RASEF: variants seen among roughly 807,000 people sequenced by gnomAD.
The protein encoded by RASEF is ras and EF-hand domain-containing protein.
RASEF carries 68 observed loss-of-function variants against 90.1 expected under a neutral mutation model. The ratio of observed to expected loss-of-function variants is 0.75; its 90% CI spans 0.62 to 0.92. The LOEUF is 0.92. Among genes scored for constraint, RASEF ranks in the 40% least tolerant of loss-of-function variants. RASEF has a pLI of 0.00. For missense variants in RASEF, 949 were observed against 937.2 expected (o/e 1.01, Z -0.16); for synonymous variants, 331 against 345.2 (o/e 0.96, Z 0.46).
chr9:83,046,458 G>A (rs1038132011), intron 1 of RASEF, among the ~76,000 whole-genome samples: 3 of 152,076 alleles, frequency 2.0e-5, no homozygotes, highest in Admixed American at 1.3e-4. Context: ...TGTTCAAGCA[G>A]AAATGCCTAC....
At position 83,052,331 on chromosome 9, in the gene RASEF, T is replaced by C. The variant is rs1406749396; in HGVS notation, c.431+10106A>G. 1.1e-4 allele frequency among the ~76,000 whole-genome samples: 15 copies of C among 134,192 alleles called. 1 individual carries two copies. In the Middle Eastern group the frequency reaches 0.011, roughly 102 times the overall value. The allele number at this position is 134,192 out of a possible 152,430, so 88.0% of individuals were successfully genotyped here. Reference sequence around the variant, plus strand: ...TTCTAGATTTTCTAGTTTATTTGCGTAGAGGTGTTTGTAGTATTCTCTGAT... The same window carrying C: ...TTCTAGATTTTCTAGTTTATTTGCGCAGAGGTGTTTGTAGTATTCTCTGAT... On this transcript the variant is annotated intron_variant, in intron 1 of 16. Coordinates refer to ENST00000376447, the MANE Select transcript of RASEF (RefSeq NM_152573.4).
the RASEF span, among the ~76,000 whole-genome samples, chr9:83,126,808 T>C: frequency 6.6e-6 from 1 of 152,342 alleles, no homozygotes; most frequent in Admixed American, 6.5e-5. Context: ...AAAAACACAA[T>C]TTTATTATCA....
chr9:83,012,990 G>T (rs951756435), intron 4 of RASEF, among the ~76,000 whole-genome samples: 6 of 152,156 alleles, frequency 3.9e-5, no homozygotes, highest in African/African-American at 1.2e-4. Context: ...TTTAAGAAAT[G>T]CTTATTAAAT....
chr9:83,159,047 G>A, the RASEF span, among the ~76,000 whole-genome samples: 20 of 152,100 alleles, frequency 1.3e-4, no homozygotes, highest in South Asian at 6.2e-4. Context: ...TTAGCCAGGC[G>A]TGGTGGCAGG....
At chr9:83,073,176 T>C in the RASEF span, among the ~76,000 whole-genome samples, 1 of 152,052 alleles carries the variant, frequency 6.6e-6, no homozygotes, top group Non-Finnish European at 1.5e-5. Context: ...AGGAGTACCC[T>C]CCTGCTGGTA....
chr9:83,120,740 A>T, the RASEF span, among the ~76,000 whole-genome samples: 1 of 152,182 alleles, frequency 6.6e-6, no homozygotes, highest in East Asian at 1.9e-4. Flanking sequence ...ATTGGTAATC[A>T]CTTTGTTGAT....
In RASEF at chr9:82,998,384, C is replaced by T; in HGVS notation, c.1786G>A (p.Asp596Asn). The T allele has an allele frequency of 2.5e-6, 4 of 1,612,718 alleles. No homozygotes were observed. The highest frequency in any genetic ancestry group is 2.5e-6 in the Non-Finnish European group (3 of 1,178,734). Residue 596 changes from aspartate (D) to asparagine (N), a missense_variant, in exon 13 of 17, where the codon GAT becomes AAT. By Grantham distance (23) the Asp-to-Asn change is conservative (BLOSUM62 1). Around this residue, in one of 3 missense-constraint regions of RASEF, gnomAD observed 288 missense variants for 328.4 expected, o/e 0.88. Transcript: ENST00000376447. ...DGERTVLQLWDTAGQERFRSI... is the reference protein window; with the variant it reads ...DGERTVLQLWNTAGQERFRSI... The stretch of plus-strand genomic sequence containing the variant: ...ACTTGCCTCTCCTGACCAGCTGTAT[C>T]CCAGAGCTGCAGAACTGTTCGTTCT...
chr9:83,169,374 C>T, the RASEF span, among the ~76,000 whole-genome samples: 1 of 150,538 alleles, frequency 6.6e-6, no homozygotes, highest in African/African-American at 2.4e-5. Context: ...CACACACACA[C>T]ACACACACAC....
the RASEF span, among the ~76,000 whole-genome samples, chr9:83,113,951 T>C: frequency 2.5e-4 from 38 of 152,254 alleles, no homozygotes; most frequent in Non-Finnish European, 4.4e-4. Context: ...AAATCCCTAA[T>C]AAAAACTTGC....
chr9:83,216,428 G>A, the RASEF span, among the ~76,000 whole-genome samples: 1 of 152,218 alleles, frequency 6.6e-6, no homozygotes, highest in Admixed American at 6.5e-5. Flanking sequence ...CAGGGCCCAA[G>A]GTACAGCTCA....
intron 1 of RASEF, among the ~76,000 whole-genome samples, chr9:83,062,222 C>G (rs1200896852): frequency 1.3e-5 from 2 of 152,192 alleles, no homozygotes; most frequent in African/African-American, 2.4e-5. Flanking sequence ...CAGGATTCAG[C>G]ACGTAAAACT....
chr9:83,053,684 G>A (rs1181949613), intron 1 of RASEF, among the ~76,000 whole-genome samples: 44 of 146,034 alleles, frequency 3.0e-4, no homozygotes, highest in South Asian at 6.4e-4. Context: ...GGCTGGTACC[G>A]GTTGATCCTT....
the RASEF span, among the ~76,000 whole-genome samples, chr9:83,144,809 T>A: frequency 6.6e-6 from 1 of 152,206 alleles, no homozygotes; most frequent in Non-Finnish European, 1.5e-5. Context: ...CAGAGTGGCA[T>A]GAACTAAAAT....
the RASEF span, among the ~76,000 whole-genome samples, chr9:83,164,500 A>C: frequency 1.3e-5 from 2 of 150,060 alleles, no homozygotes; most frequent in Admixed American, 1.3e-4. Context: ...GTGGACATGG[A>C]TTAGTTGTAA....
chr9:83,055,644 C>A (rs1300076627), intron 1 of RASEF: 1 of 718,116 alleles, frequency 1.4e-6, no homozygotes, highest in South Asian at 1.5e-5. Context: ...TGAGATGCCT[C>A]ACGAACACAA....
At chr9:83,023,703 A>G (rs1408542263) in intron 2 of RASEF, among the ~76,000 whole-genome samples, 3 of 152,232 alleles carry the variant, frequency 2.0e-5, no homozygotes, top group South Asian at 2.1e-4. Flanking sequence ...TTTGAAGTCT[A>G]GAAACTGTGT....
At chr9:83,130,963 C>G in the RASEF span, among the ~76,000 whole-genome samples, 1 of 152,234 alleles carries the variant, frequency 6.6e-6, no homozygotes, top group African/African-American at 2.4e-5. Flanking sequence ...GTGTCCTGGA[C>G]TGGCATCCTT....
the RASEF span, among the ~76,000 whole-genome samples, chr9:83,185,969 G>A: frequency 1.3e-4 from 4 of 30,496 alleles, no homozygotes; most frequent in Admixed American, 1.3e-3. Context: ...GGAATGGGTG[G>A]CGGGGGGGGC....
At chr9:83,034,708 C>CA (rs1214843572) in intron 1 of RASEF, among the ~76,000 whole-genome samples, 9 of 152,308 alleles carry the variant, frequency 5.9e-5, no homozygotes, top group African/African-American at 2.2e-4. Flanking sequence ...GGGGCTTCTG[C>CA]AGTCATAAAT....
Sources: gnomAD v4.1 joint callset for allele counts (sites outside exome capture counted in the v4.1 genomes callset) on GRCh38, gnomAD v4.1.1 for gene constraint, gnomAD v4.1.1 regional missense constraint, MANE v1.5 for transcripts, NCBI Gene and HGNC (gene_info 2026-07-23, HGNC 2026-07-21) for gene names.